Variants in MAOB observed in about 807,000 individuals in gnomAD.
MAOB encodes the protein monoamine oxidase B.
MAOB carries 15 observed loss-of-function variants against 41.9 expected under a neutral mutation model. The observed-to-expected ratio is 0.36, with a 90% CI of 0.24 to 0.55. The LOEUF is 0.55. MAOB is among the 20% of genes least tolerant of loss of function. MAOB has a pLI of 0.86. For synonymous variants in MAOB, 167 were observed against 144.2 expected, an observed-to-expected ratio of 1.16 and a Z score of -1.13; for missense variants, 345 against 398.7, an observed-to-expected ratio of 0.87 and a Z score of 1.15.
chrX:43,851,210 A>G (rs2147170904), intron 1 of MAOB, among the ~76,000 whole-genome samples: 1 of 112,285 alleles, frequency 8.9e-6, no homozygotes, highest in South Asian at 3.7e-4. Flanking sequence ...AATAAAATTA[A>G]ACTTTTAATT....
chrX:43,834,006 A>C (rs1311304142), intron 3 of MAOB, among the ~76,000 whole-genome samples: 1 of 112,343 alleles, frequency 8.9e-6, no homozygotes, highest in Non-Finnish European at 1.9e-5. Context: ...TGTTTCACTT[A>C]CTAGAGAGAA....
chrX:43,816,202 G>A (rs2034812309), intron 3 of MAOB, among the ~76,000 whole-genome samples: 1 of 111,891 alleles, frequency 8.9e-6, no homozygotes, highest in Admixed American at 9.5e-5. Context: ...GGCTCTCCTT[G>A]GGGATGTGTA....
intron 3 of MAOB, among the ~76,000 whole-genome samples, chrX:43,816,441 T>C (rs1200572681): frequency 1.8e-5 from 2 of 112,125 alleles, no homozygotes; most frequent in African/African-American, 6.5e-5. Context: ...TAGATCTCAA[T>C]GAAACTGTAA....
intron 11 of MAOB, 133 bp downstream of exon 11, chrX:43,778,549 G>A (rs949655963): frequency 3.9e-6 from 2 of 511,873 alleles, no homozygotes; most frequent in Non-Finnish European, 6.5e-6. Context: ...CCAGTCCTGT[G>A]TAGATGCCTC....
rs1002100512 is a variant in MAOB at position 43,844,758 on chromosome X, T to C, written c.47-994A>G. 4 of 112,246 alleles carry C rather than the reference T, an allele frequency of 3.6e-5. No individual in the cohort carries two copies. In the East Asian group the frequency reaches 8.5e-4, roughly 24 times the overall value. 9.3% of individuals were successfully genotyped at this position (112,246 alleles called of 1,213,427 possible). The stretch of plus-strand genomic sequence containing the variant: ...CTGCCTTTGGACATCAGACTCCAGG[T>C]TTTGGACTCTGGGACTTGCACCAGT... On this transcript the variant is annotated intron_variant, in intron 1 of 14. Coordinates refer to ENST00000378069, the MANE Select transcript of MAOB (RefSeq NM_000898.5).
At chrX:43,784,977 G>A (rs1009686463) in intron 8 of MAOB, among the ~76,000 whole-genome samples, 3 of 111,881 alleles carry the variant, frequency 2.7e-5, no homozygotes, top group Admixed American at 1.9e-4. Flanking sequence ...GTGAAACCCC[G>A]TCTCTACTAA....
At chrX:43,800,956 T>A (rs903672666) in intron 5 of MAOB, among the ~76,000 whole-genome samples, 3 of 110,801 alleles carry the variant, frequency 2.7e-5, no homozygotes, top group Non-Finnish European at 5.7e-5. Context: ...TACAACACGA[T>A]TTTTTAAAAC....
chrX:43,792,066 C>A (rs2034470549), intron 8 of MAOB, among the ~76,000 whole-genome samples: 1 of 112,180 alleles, frequency 8.9e-6, no homozygotes, highest in Non-Finnish European at 1.9e-5. Flanking sequence ...CTTTATAAAC[C>A]CATACTTTAA....
At chrX:43,838,078 C>G in intron 3 of MAOB, 1 of 284,943 alleles carries the variant, frequency 3.5e-6, no homozygotes, top group Non-Finnish European at 6.9e-6. Context: ...ACATTCAGTT[C>G]TAATCTGTTT....
Position 43,882,365 on chromosome X carries a change from C to T in MAOB, c.-66G>A. 8.7e-7 allele frequency: 1 copy of T among 1,152,221 alleles called. No individual in the cohort carries two copies. Among genetic ancestry groups the T allele is most frequent in the South Asian group, 2.0e-5 (1 of 50,088 alleles). 95.0% of individuals were successfully genotyped at this position (1,152,221 alleles called of 1,213,427 possible). Reference sequence around the variant, plus strand: ...CCGTTTTCTGGGCCTCGATCCCAGTCCTGCCTGCCAGCCAGCCCGCCCGCC... The same window carrying T: ...CCGTTTTCTGGGCCTCGATCCCAGTTCTGCCTGCCAGCCAGCCCGCCCGCC... On this transcript the variant is annotated 5_prime_UTR_variant, in exon 1 of 15. Coordinates refer to ENST00000378069, the MANE Select transcript of MAOB (RefSeq NM_000898.5).
chrX:43,854,537 G>C (rs1231083820), intron 1 of MAOB, among the ~76,000 whole-genome samples: 1 of 111,285 alleles, frequency 9.0e-6, no homozygotes, highest in East Asian at 2.8e-4. Context: ...GGGAGGGAGA[G>C]CTTCAGGACA....
At chrX:43,817,407 A>G (rs935642297) in intron 3 of MAOB, among the ~76,000 whole-genome samples, 5 of 110,850 alleles carry the variant, frequency 4.5e-5, no homozygotes, top group African/African-American at 1.3e-4. Flanking sequence ...GAATCCAATC[A>G]CTTCTCATCT....
chrX:43,835,681 G>A (rs1435375957), intron 3 of MAOB, among the ~76,000 whole-genome samples: 1 of 111,675 alleles, frequency 9.0e-6, no homozygotes, highest in African/African-American at 3.3e-5. Flanking sequence ...TATGGAGCTG[G>A]CATGAACACA....
intron 3 of MAOB, among the ~76,000 whole-genome samples, chrX:43,808,675 T>TATCTATA (rs1555960919): frequency 2.0e-5 from 2 of 99,487 alleles, no homozygotes; most frequent in African/African-American, 7.9e-5. Context: ...TCTATATCTA[T>TATCTATA]ATCTATATCT....
intron 3 of MAOB, among the ~76,000 whole-genome samples, chrX:43,820,348 T>C (rs1424828578): frequency 8.9e-6 from 1 of 112,278 alleles, no homozygotes; most frequent in Admixed American, 9.5e-5. Context: ...ACAAAAATAT[T>C]TAAAAAAGTG....
rs774808110 is a variant in MAOB, at chrX:43,802,186, C to A, written c.462G>T (p.Lys154Asn). ...DNMTMKELLD[K>N]LCWTESAKQL... is the part of the protein sequence containing the mutation. ...GCAAGACTTACTCAGTCCAGCAGAG[C>A]TTGTCCAGTAGCTCCTTCATTGTCA... The change falls in exon 5 of 15, where the codon AAG becomes AAT. Residue 154 changes from lysine to asparagine, a missense_variant. By Grantham distance (94) the Lys-to-Asn change is moderately conservative (BLOSUM62 0). Coordinates refer to ENST00000378069, the MANE Select transcript of MAOB (RefSeq NM_000898.5). 8.3e-7 allele frequency: 1 copy of A among 1,207,006 alleles called. No homozygotes were observed.
chrX:43,867,200 G>A (rs1250735717), intron 1 of MAOB, among the ~76,000 whole-genome samples: 1 of 111,914 alleles, frequency 8.9e-6, no homozygotes, highest in South Asian at 3.7e-4. Flanking sequence ...TGGAAACCTG[G>A]CCAGAATATG....
chrX:43,791,770 T>A (rs2034466120), intron 8 of MAOB, among the ~76,000 whole-genome samples: 1 of 110,505 alleles, frequency 9.0e-6, no homozygotes, highest in South Asian at 3.9e-4. Context: ...AAAAAAAAAA[T>A]TAATTAAATA....
At chrX:43,862,700 G>A (rs371220514) in intron 1 of MAOB, among the ~76,000 whole-genome samples, 2 of 111,697 alleles carry the variant, frequency 1.8e-5, no homozygotes, top group East Asian at 5.6e-4. Context: ...TACATGCACC[G>A]GAAGGGCATA....
Sources: allele counts gnomAD v4.1 joint callset (sites outside exome capture counted in the v4.1 genomes callset), GRCh38; gene constraint gnomAD v4.1.1; transcripts MANE v1.5; gene names NCBI Gene and HGNC (gene_info 2026-07-23, HGNC 2026-07-21).